Variants in DPF3 observed in about 807,000 individuals in gnomAD.
DPF3 encodes the protein double PHD fingers 3, also known as zinc finger protein DPF3.
Under a neutral mutation model 56.8 loss-of-function variants are expected in DPF3, and 18 were observed. The observed-to-expected ratio is 0.32, with a 90% CI of 0.22 to 0.47. DPF3 has a LOEUF of 0.47. Among genes scored for constraint, DPF3 ranks in the 20% least tolerant of loss-of-function variants. DPF3 has a pLI of 1.00. For synonymous variants in DPF3, 188 were observed against 180.2 expected, an observed-to-expected ratio of 1.04 and a Z score of -0.35; for missense variants, 403 against 488.8, an observed-to-expected ratio of 0.82 and a Z score of 1.65.
chr14:72,804,759 AG>A (rs1217606200), intron 1 of DPF3, among the ~76,000 whole-genome samples: 1 of 152,186 alleles, frequency 6.6e-6, no homozygotes, highest in African/African-American at 2.4e-5. Context: ...TTTCATTAAT[AG>A]AGATTCCTTC....
At chr14:72,838,679 C>T (rs1416563735) in intron 1 of DPF3, among the ~76,000 whole-genome samples, 1 of 151,800 alleles carries the variant, frequency 6.6e-6, no homozygotes, top group Non-Finnish European at 1.5e-5. Context: ...ATCGCTTGAA[C>T]CCAGGAGGTG....
chr14:72,835,864 GA>G (rs1567250094), intron 1 of DPF3, among the ~76,000 whole-genome samples: 2 of 152,204 alleles, frequency 1.3e-5, no homozygotes, highest in Non-Finnish European at 2.9e-5. Flanking sequence ...CAGGAAAGGA[GA>G]AATGGTTTCC....
At chr14:72,699,091 G>C (rs947033534) in intron 6 of DPF3, among the ~76,000 whole-genome samples, 1 of 152,170 alleles carries the variant, frequency 6.6e-6, no homozygotes, top group African/African-American at 2.4e-5. Flanking sequence ...GGTGGCAATG[G>C]ATGTTATAAG....
intron 8 of DPF3, among the ~76,000 whole-genome samples, chr14:72,640,739 G>A (rs1285942398): frequency 1.3e-5 from 2 of 152,178 alleles, no homozygotes; most frequent in African/African-American, 2.4e-5. Context: ...TTCAAACTGG[G>A]CACATTCCAT....
intron 5 of DPF3, among the ~76,000 whole-genome samples, chr14:72,715,437 C>G (rs1888876141): frequency 6.6e-6 from 1 of 152,152 alleles, no homozygotes; most frequent in South Asian, 2.1e-4. Context: ...TAATGAGTAG[C>G]AGTCAACTCC....
At chr14:72,772,407 A>G (rs1891572041) in intron 1 of DPF3, among the ~76,000 whole-genome samples, 1 of 152,260 alleles carries the variant, frequency 6.6e-6, no homozygotes. Flanking sequence ...AACAAAAACT[A>G]GGACAGAAAA....
intron 4 of DPF3, among the ~76,000 whole-genome samples, chr14:72,727,935 G>C (rs1314530481): frequency 6.6e-6 from 1 of 152,168 alleles, no homozygotes; most frequent in Admixed American, 6.5e-5. Context: ...TAGCACAGTA[G>C]ACAGCAGACC....
intron 8 of DPF3, among the ~76,000 whole-genome samples, chr14:72,636,773 C>T (rs1214537436): frequency 2.6e-5 from 4 of 152,158 alleles, no homozygotes; most frequent in Non-Finnish European, 5.9e-5. Context: ...ACCTGCAAAT[C>T]GATGATCACA....
chr14:72,686,724 GA>G (rs1887429322), intron 7 of DPF3, among the ~76,000 whole-genome samples: 1 of 152,322 alleles, frequency 6.6e-6, no homozygotes, highest in Non-Finnish European at 1.5e-5. Context: ...CTTTGAGAAG[GA>G]AGAAGCAGCC....
chr14:72,785,837 C>G (rs1447580217), intron 1 of DPF3, among the ~76,000 whole-genome samples: 3 of 152,150 alleles, frequency 2.0e-5, no homozygotes, highest in African/African-American at 7.2e-5. Flanking sequence ...CTTGAAGAGG[C>G]CCTGTGGTTC....
intron 7 of DPF3, among the ~76,000 whole-genome samples, chr14:72,679,041 C>T (rs1358864357): frequency 4.6e-5 from 7 of 152,160 alleles, no homozygotes; most frequent in Admixed American, 2.0e-4. Context: ...CTCAGGGAAG[C>T]GAGAGCAGGC....
chr14:72,611,741 T>G lies in DPF3; in HGVS notation c.*7556A>C, dbSNP rs1179910182. ...CTGTCATCCAAGGGCATCCAGTGCT[T>G]GGAAAAGCAGATTAAAGCAACTAGG... is the stretch of plus-strand genomic sequence containing the variant. On this transcript the variant is annotated 3_prime_UTR_variant, in exon 11 of 11. Coordinates refer to ENST00000556509, the MANE Select transcript of DPF3 (RefSeq NM_001280542.3). Among the ~76,000 whole-genome samples the G allele has an allele frequency of 6.6e-6, 1 of 152,272 alleles. No individual in the cohort carries two copies. The highest frequency in any genetic ancestry group is 1.9e-4 in the East Asian group (1 of 5,178).
chr14:72,676,517 T>C (rs1205455788), intron 7 of DPF3, among the ~76,000 whole-genome samples: 1 of 152,252 alleles, frequency 6.6e-6, no homozygotes, highest in Non-Finnish European at 1.5e-5. Context: ...GGTTTGGCTG[T>C]GCCCCCACCC....
chr14:72,736,059 T>G (rs1035872846), intron 3 of DPF3, among the ~76,000 whole-genome samples: 1 of 152,244 alleles, frequency 6.6e-6, no homozygotes, highest in Non-Finnish European at 1.5e-5. Context: ...ATGGTACAGC[T>G]GCACTGTCCA....
chr14:72,641,909 T>G (rs1381303188), intron 8 of DPF3, among the ~76,000 whole-genome samples: 1 of 152,168 alleles, frequency 6.6e-6, no homozygotes, highest in Non-Finnish European at 1.5e-5. Flanking sequence ...TCTGTCTCTA[T>G]GTCTCTGTCT....
intron 8 of DPF3, among the ~76,000 whole-genome samples, chr14:72,649,887 T>G (rs1885852864): frequency 6.6e-6 from 1 of 152,170 alleles, no homozygotes; most frequent in South Asian, 2.1e-4. Context: ...AACACGTATC[T>G]TATTCCAACC....
At chr14:72,671,518 A>G in intron 8 of DPF3, 3 of 902,446 alleles carry the variant, frequency 3.3e-6, no homozygotes, top group Non-Finnish European at 5.5e-6. Context: ...AAACATTTCC[A>G]GGGAAGAGGC....
chr14:72,636,529 G>A (rs1256668586), intron 8 of DPF3, among the ~76,000 whole-genome samples: 1 of 152,022 alleles, frequency 6.6e-6, no homozygotes, highest in Non-Finnish European at 1.5e-5. Context: ...ACCCAGCTTG[G>A]CAGGTGGAGA....
At chr14:72,818,326 T>C (rs1160722476) in intron 1 of DPF3, among the ~76,000 whole-genome samples, 1 of 149,558 alleles carries the variant, frequency 6.7e-6, no homozygotes, top group African/African-American at 2.5e-5. Flanking sequence ...ACACAGAAAA[T>C]AAGAATCACA....
Sources: gnomAD v4.1 joint callset for allele counts (sites outside exome capture counted in the v4.1 genomes callset) on GRCh38, gnomAD v4.1.1 for gene constraint, MANE v1.5 for transcripts, NCBI Gene and HGNC (gene_info 2026-07-23, HGNC 2026-07-21) for gene names.